Variants in HS6ST3 observed in about 807,000 individuals in gnomAD.
HS6ST3 encodes heparan sulfate 6-O-sulfotransferase 3.
In HS6ST3, 12 loss-of-function variants were observed where a neutral mutation model predicts 36.7. The ratio of observed to expected loss-of-function variants is 0.33; its 90% CI spans 0.21 to 0.53. The LOEUF (loss-of-function observed/expected upper bound fraction) is 0.53. Among genes scored for constraint, HS6ST3 ranks in the 20% least tolerant of loss-of-function variants. HS6ST3 has a pLI of 0.95. For missense variants in HS6ST3, 584 were observed against 640.9 expected (o/e 0.91, Z 0.96); for synonymous variants, 240 against 257.5 (o/e 0.93, Z 0.65).
At chr13:96,810,860 G>A (rs1924575) in intron 1 of HS6ST3, among the ~76,000 whole-genome samples, 16,619 of 152,116 alleles carry the variant, frequency 0.11, 1,231 homozygotes, top group African/African-American at 0.21. Flanking sequence ...CAAGACTTTA[G>A]GCAATTTTTC....
chr13:96,128,865 TGGCGGAG>T (rs1566889009), intron 1 of HS6ST3, among the ~76,000 whole-genome samples: 9 of 151,580 alleles, frequency 5.9e-5, no homozygotes, highest in African/African-American at 1.7e-4. Flanking sequence ...TTTTTTTTTT[TGGCGGAG>T]TTTTGCTCTT....
At chr13:96,586,680 G>A (rs1463246522) in intron 1 of HS6ST3, among the ~76,000 whole-genome samples, 1 of 151,986 alleles carries the variant, frequency 6.6e-6, no homozygotes, top group Non-Finnish European at 1.5e-5. Flanking sequence ...CAGTTGTTTG[G>A]GTTCCTTATA....
chr13:96,746,847 C>A (rs775129087), intron 1 of HS6ST3, among the ~76,000 whole-genome samples: 27 of 151,960 alleles, frequency 1.8e-4, no homozygotes, highest in Non-Finnish European at 3.2e-4. Context: ...AAAAATCTAA[C>A]CTCATTGATA....
chr13:96,450,824 G>T (rs1488958783), intron 1 of HS6ST3, among the ~76,000 whole-genome samples: 1 of 152,210 alleles, frequency 6.6e-6, no homozygotes, highest in Non-Finnish European at 1.5e-5. Context: ...CTCTGCTAAA[G>T]AGGTGAAATT....
intron 1 of HS6ST3, among the ~76,000 whole-genome samples, chr13:96,353,717 GC>G (rs1462825196): frequency 6.6e-6 from 1 of 152,052 alleles, no homozygotes; most frequent in Non-Finnish European, 1.5e-5. Flanking sequence ...AACAGCCAAA[GC>G]TTTGATTTCC....
intron 1 of HS6ST3, among the ~76,000 whole-genome samples, chr13:96,163,514 C>T (rs1420824431): frequency 5.9e-5 from 9 of 152,138 alleles, no homozygotes; most frequent in Non-Finnish European, 1.3e-4. Context: ...CAGGCGTGAG[C>T]CACTGCACCC....
At chr13:96,647,407 A>C (rs1238739792) in intron 1 of HS6ST3, among the ~76,000 whole-genome samples, 1 of 152,078 alleles carries the variant, frequency 6.6e-6, no homozygotes, top group African/African-American at 2.4e-5. Context: ...ACAAAGTTGC[A>C]CAAAGAAAAA....
chr13:96,165,250 C>T (rs2054154931), intron 1 of HS6ST3, among the ~76,000 whole-genome samples: 1 of 152,104 alleles, frequency 6.6e-6, no homozygotes. Context: ...TGTCTGGAGG[C>T]CTCAATTGAC....
At chr13:96,669,423 G>A (rs1399565661) in intron 1 of HS6ST3, among the ~76,000 whole-genome samples, 1 of 152,106 alleles carries the variant, frequency 6.6e-6, no homozygotes, top group East Asian at 1.9e-4. Flanking sequence ...CTACCCAAGT[G>A]TTCGAAGCAC....
At chr13:96,803,478 A>G (rs1229736201) in intron 1 of HS6ST3, among the ~76,000 whole-genome samples, 1 of 152,198 alleles carries the variant, frequency 6.6e-6, no homozygotes, top group Non-Finnish European at 1.5e-5. Flanking sequence ...ATTGTTAGGA[A>G]ATAGAAACCA....
At chr13:96,260,266 CCTTT>C (rs2054657938) in intron 1 of HS6ST3, among the ~76,000 whole-genome samples, 1 of 148,008 alleles carries the variant, frequency 6.8e-6, no homozygotes, top group African/African-American at 2.5e-5. Flanking sequence ...TTCCTTCCTT[CCTTT>C]CTTCTTTCCT....
intron 1 of HS6ST3, among the ~76,000 whole-genome samples, chr13:96,361,895 A>T (rs1165761368): frequency 2.6e-5 from 4 of 152,310 alleles, no homozygotes; most frequent in African/African-American, 9.6e-5. Context: ...TTTCTAGATC[A>T]GTGGTTCTCA....
At chr13:96,556,408 C>T (rs1191531087) in intron 1 of HS6ST3, among the ~76,000 whole-genome samples, 1 of 152,056 alleles carries the variant, frequency 6.6e-6, no homozygotes, top group Non-Finnish European at 1.5e-5. Flanking sequence ...ACATTATAGT[C>T]CTTATATTTC....
intron 1 of HS6ST3, among the ~76,000 whole-genome samples, chr13:96,446,911 G>T (rs777145177): frequency 2.0e-5 from 3 of 152,098 alleles, no homozygotes; most frequent in Non-Finnish European, 4.4e-5. Context: ...TCATTCTCTG[G>T]CCAGAAACCA....
chr13:96,798,686 G>A (rs1877971374), intron 1 of HS6ST3, among the ~76,000 whole-genome samples: 1 of 152,060 alleles, frequency 6.6e-6, no homozygotes, highest in Admixed American at 6.6e-5. Flanking sequence ...ACCTTATAGA[G>A]TTAGGGTAAG....
chr13:96,771,376 A>T (rs770874510), intron 1 of HS6ST3, among the ~76,000 whole-genome samples: 1 of 152,082 alleles, frequency 6.6e-6, no homozygotes, highest in Non-Finnish European at 1.5e-5. Context: ...CATATGTAAC[A>T]AACCTGCACG....
intron 1 of HS6ST3, among the ~76,000 whole-genome samples, chr13:96,776,592 A>G (rs577216519): frequency 2.6e-5 from 4 of 152,350 alleles, no homozygotes; most frequent in Admixed American, 2.0e-4. Context: ...CAACATGTAG[A>G]AGAAATTGAT....
intron 1 of HS6ST3, among the ~76,000 whole-genome samples, chr13:96,093,622 A>G (rs1407931008): frequency 4.0e-5 from 6 of 151,866 alleles, no homozygotes; most frequent in Non-Finnish European, 1.5e-5. Context: ...ACCTCATTTT[A>G]TAATCCTTTC....
intron 1 of HS6ST3, among the ~76,000 whole-genome samples, chr13:96,602,938 T>G (rs1185764995): frequency 6.6e-6 from 1 of 152,168 alleles, no homozygotes; most frequent in Non-Finnish European, 1.5e-5. Context: ...AATGTAAAAT[T>G]GTCCTTCCTA....
Sources: allele counts gnomAD v4.1 joint callset (sites outside exome capture counted in the v4.1 genomes callset), GRCh38; gene constraint gnomAD v4.1.1; transcripts MANE v1.5; gene names NCBI Gene and HGNC (gene_info 2026-07-23, HGNC 2026-07-21).